The following ZNF37A variants were observed in gnomAD, a reference collection of about 807,000 sequenced individuals.
ZNF37A encodes zinc finger protein 37a (KOX 21).
ZNF37A carries 10 observed loss-of-function variants against 12.3 expected under a neutral mutation model. That is an observed-to-expected ratio of 0.82 (90% CI 0.50 to 1.38). The LOEUF (loss-of-function observed/expected upper bound fraction) is 1.38, where lower values mean the gene tolerates loss of function less well. Ranked by LOEUF, ZNF37A falls within the 40% of genes most tolerant of loss-of-function variation. The probability of loss-of-function intolerance (pLI) is 0.00; values close to 1 mark genes in which losing one functional copy is unlikely to be tolerated. For missense variants in ZNF37A, 580 were observed against 651.2 expected, an observed-to-expected ratio of 0.89 and a Z score of 1.19; for synonymous variants, 207 against 223.0, an observed-to-expected ratio of 0.93 and a Z score of 0.64.
At chr10:38,125,084 T>G (rs2069904066), downstream of ZNF37A, 1 of 152,142 alleles carries the variant, frequency 6.6e-6, no homozygotes. Context: ...CATGAGAAAA[T>G]TTTTGTAGGT....
chr10:38,134,440 C>G (rs932378057), intron 7 of ZNF37A, among the ~76,000 whole-genome samples: 4 of 152,142 alleles, frequency 2.6e-5, no homozygotes, highest in African/African-American at 9.7e-5. Context: ...TACCTTTGGT[C>G]TTTGATGATG....
intron 7 of ZNF37A, chr10:38,144,158 C>T (rs982863868): frequency 3.9e-5 from 6 of 152,128 alleles, no homozygotes; most frequent in Non-Finnish European, 7.4e-5. Flanking sequence ...GTGTTTTGAT[C>T]ATAGTATTTA....
In ZNF37A at chr10:38,119,421, A is replaced by G. The variant is rs1369704541; in HGVS notation, c.*584A>G. On this transcript the variant is annotated 3_prime_UTR_variant, in exon 8 of 8. Coordinates refer to ENST00000685332, the MANE Select transcript of ZNF37A (RefSeq NM_001324250.3). Reference sequence around the variant, plus strand: ...ACTATGAGGTTATATTTTATGGAGTATATGTAATAAGAAGTAGCTTCTCAG... The same window carrying G: ...ACTATGAGGTTATATTTTATGGAGTGTATGTAATAAGAAGTAGCTTCTCAG... 4 of 985,158 alleles carry G rather than the reference A, an allele frequency of 4.1e-6. No homozygotes were observed. In the African/African-American group the frequency reaches 5.2e-5, roughly 13 times the overall value. The allele number at this position is 985,158 out of a possible 1,614,324, so 61.0% of individuals were successfully genotyped here.
chr10:38,129,547 A>T (rs375857190), downstream of ZNF37A, among the ~76,000 whole-genome samples: 1 of 151,984 alleles, frequency 6.6e-6, no homozygotes, highest in African/African-American at 2.4e-5. Context: ...TTTCTGTGTT[A>T]AAAAACTATA....
Position 38,118,703 on chromosome 10 carries a change from A to G in ZNF37A, c.1552A>G (p.Thr518Ala). Residue 518 changes from threonine (T) to alanine (A), a missense_variant, in exon 8 of 8, where the codon ACA (threonine) becomes GCA (alanine). Physicochemically the swap from Thr to Ala is moderately conservative, Grantham distance 58. Coordinates refer to ENST00000685332, the MANE Select transcript of ZNF37A (RefSeq NM_001324250.3). ...SKLIAHHRTH[T>A]GEKPYECNVC... is the part of the protein sequence containing the mutation. ...ACTCATTGCACATCATAGAACACAC[A>G]CAGGGGAGAAACCCTATGAATGTAA... The G allele has an allele frequency of 1.2e-6, 2 of 1,613,996 alleles. No individual in the cohort carries two copies. Among genetic ancestry groups the G allele is most frequent in the African/African-American group, 2.7e-5 (2 of 75,060 alleles).
At chr10:38,136,203 G>A (rs1454457512) in intron 7 of ZNF37A, among the ~76,000 whole-genome samples, 3 of 152,132 alleles carry the variant, frequency 2.0e-5, no homozygotes, top group Admixed American at 6.6e-5. Flanking sequence ...GAGTGCAATG[G>A]TGCCATCTTT....
rs142514548 is a variant in ZNF37A at position 38,117,925 on chromosome 10, T to A, written c.774T>A (p.Leu258=). The change falls in exon 8 of 8, where the codon CTT becomes CTA. Residue 258 remains leucine (L), a synonymous_variant. Coordinates refer to ENST00000685332, the MANE Select transcript of ZNF37A (RefSeq NM_001324250.3). Reference sequence around the variant, plus strand: ...CATTTTTCAGTGAAAAATTAGTCCTTCATTTACAACAGAGAACACATACAG... The same window carrying A: ...CATTTTTCAGTGAAAAATTAGTCCTACATTTACAACAGAGAACACATACAG... ...CGTFFSEKLV[L]HLQQRTHTGE... 8 of 1,613,806 alleles carry A rather than the reference T, an allele frequency of 5.0e-6. No individual in the cohort carries two copies. In the African/African-American group the frequency reaches 9.3e-5, roughly 19 times the overall value.
intron 5 of ZNF37A, among the ~76,000 whole-genome samples, chr10:38,113,618 GGCCTCTATGC>G (rs2069007144): frequency 1.3e-5 from 2 of 152,158 alleles, no homozygotes; most frequent in Non-Finnish European, 2.9e-5. Context: ...GACGTTCTAA[GGCCTCTATGC>G]AGGCCCTCTG....
intron 5 of ZNF37A, among the ~76,000 whole-genome samples, chr10:38,109,942 A>G (rs2068490924): frequency 6.6e-6 from 1 of 152,222 alleles, no homozygotes; most frequent in Non-Finnish European, 1.5e-5. Flanking sequence ...GATTCAAGCT[A>G]TCCCCATCAA....
At chr10:38,116,647 G>A (rs545443066) in intron 7 of ZNF37A, among the ~76,000 whole-genome samples, 14 of 152,214 alleles carry the variant, frequency 9.2e-5, no homozygotes, top group African/African-American at 3.4e-4. Flanking sequence ...AAAAGTGTTT[G>A]TTCTTGGGAC....
chr10:38,147,021 A>C, exon 8 of ZNF37A: 2 of 339,060 alleles, frequency 5.9e-6, no homozygotes, highest in East Asian at 8.8e-5. Flanking sequence ...AGCGAGGAGC[A>C]GAGAAACAGT....
downstream of ZNF37A, among the ~76,000 whole-genome samples, chr10:38,126,764 A>G (rs903102153): frequency 4.6e-5 from 7 of 152,178 alleles, no homozygotes; most frequent in South Asian, 2.1e-4. Flanking sequence ...TTCCTCCTCC[A>G]TCTAGCAGAA....
At position 38,119,425 on chromosome 10, in the gene ZNF37A, G is replaced by A. The variant is rs780138843; in HGVS notation, c.*588G>A. On this transcript the variant is annotated 3_prime_UTR_variant, in exon 8 of 8. Transcript: ENST00000685332. ...TGAGGTTATATTTTATGGAGTATAT[G>A]TAATAAGAAGTAGCTTCTCAGTGAA... is the stretch of plus-strand genomic sequence containing the variant. The A allele has an allele frequency of 1.3e-5, 13 of 981,694 alleles. No individual in the cohort carries two copies. Among genetic ancestry groups the A allele is most frequent in the Non-Finnish European group, 1.6e-5 (13 of 825,522 alleles). The allele number at this position is 981,694 out of a possible 1,614,324, so 60.8% of individuals were successfully genotyped here. A position where few individuals can be genotyped will look rare whatever the true frequency, so the allele number is the denominator to read the frequency against.
At chr10:38,138,045 ACT>A (rs1293820390) in intron 7 of ZNF37A, 7 of 152,172 alleles carry the variant, frequency 4.6e-5, no homozygotes, top group Non-Finnish European at 8.8e-5. Flanking sequence ...GAAATAAATA[ACT>A]CTTTGTAATC....
rs1460774662 is a variant in ZNF37A at position 38,119,839 on chromosome 10, G to A, written c.*1002G>A. 1 of 152,146 alleles carries A rather than the reference G, an allele frequency of 6.6e-6. No homozygotes were observed. The highest frequency in any genetic ancestry group is 1.9e-4 in the East Asian group (1 of 5,180). 9.4% of individuals were successfully genotyped at this position (152,146 alleles called of 1,614,324 possible). On this transcript the variant is annotated 3_prime_UTR_variant, in exon 8 of 8. Transcript: ENST00000685332. The stretch of plus-strand genomic sequence containing the variant: ...GCCATAGTACAGGAGCCCACCAGCA[G>A]GATTTTTGAATAATCCTAGGGCAGA...
chr10:38,105,008 T>TTTC (rs774116763), intron 5 of ZNF37A, among the ~76,000 whole-genome samples: 74 of 128,906 alleles, frequency 5.7e-4, no homozygotes, highest in Admixed American at 7.6e-4. Context: ...ATATTTTTTC[T>TTTC]TTTTTTTTTT....
At position 38,119,016 on chromosome 10, in the gene ZNF37A, C is replaced by T. The variant is rs2069526544; in HGVS notation, c.*179C>T. On this transcript the variant is annotated 3_prime_UTR_variant, in exon 8 of 8. Coordinates refer to ENST00000685332, the MANE Select transcript of ZNF37A (RefSeq NM_001324250.3). ...ACATTATTCTGGAATTTGGACCATA[C>T]ACTATGTTACAAAACTAAAAGTGGA... The T allele has an allele frequency of 7.0e-6, 9 of 1,294,512 alleles. No homozygotes were observed. The highest frequency in any genetic ancestry group is 3.0e-4 in the Middle Eastern group (1 of 3,356). The allele number at this position is 1,294,512 out of a possible 1,614,324, so 80.2% of individuals were successfully genotyped here.
intron 7 of ZNF37A, among the ~76,000 whole-genome samples, chr10:38,135,012 G>T (rs1359921959): frequency 2.0e-5 from 3 of 152,068 alleles, no homozygotes; most frequent in African/African-American, 7.2e-5. Flanking sequence ...TATCTACTTG[G>T]TAGTTACTAT....
chr10:38,125,400 T>A (rs764835621), downstream of ZNF37A: 3 of 152,150 alleles, frequency 2.0e-5, no homozygotes, highest in Non-Finnish European at 2.9e-5. Flanking sequence ...TGGCAAATAA[T>A]CCTGATTTGG....
Sources: allele counts gnomAD v4.1 joint callset (sites outside exome capture counted in the v4.1 genomes callset), GRCh38; gene constraint gnomAD v4.1.1; transcripts MANE v1.5; gene names NCBI Gene and HGNC (gene_info 2026-07-23, HGNC 2026-07-21).